Variants in COL18A1 observed in about 807,000 individuals in gnomAD.
COL18A1 encodes collagen alpha-1(XVIII) chain.
In COL18A1, 133 loss-of-function variants were observed where a neutral mutation model predicts 168.0. The observed-to-expected ratio is 0.79, with a 90% CI of 0.69 to 0.91. The LOEUF (loss-of-function observed/expected upper bound fraction) is 0.91, where lower values mean the gene tolerates loss of function less well. Among genes scored for constraint, COL18A1 ranks in the 40% least tolerant of loss-of-function variants. COL18A1 has a pLI of 0.00. For missense variants in COL18A1, 2,126 were observed against 1,925.4 expected (o/e 1.10, Z -1.95); for synonymous variants, 949 against 809.0 (o/e 1.17, Z -2.94).
intron 32 of COL18A1, among the ~76,000 whole-genome samples, chr21:45,499,073 C>T (rs61633029): frequency 0.25 from 37,299 of 152,038 alleles, 4,623 homozygotes; most frequent in Non-Finnish European, 0.26. Flanking sequence ...TCCCCTCATT[C>T]GAAGGATCAA....
chr21:45,466,423 C>G (rs1210971090), intron 2 of COL18A1, among the ~76,000 whole-genome samples: 4 of 152,192 alleles, frequency 2.6e-5, no homozygotes, highest in Non-Finnish European at 4.4e-5. Context: ...GGTGGTCCAG[C>G]AGGAGGGGCC....
At position 45,443,780 on chromosome 21, in the gene COL18A1, C is replaced by T. The variant is rs963486069; in HGVS notation, c.107-24462C>T. Among the ~76,000 whole-genome samples, 6 of 152,194 alleles carry T rather than the reference C, an allele frequency of 3.9e-5. No homozygotes were observed. The highest frequency in any genetic ancestry group is 7.3e-5 in the Non-Finnish European group (5 of 68,030). On this transcript the variant is annotated intron_variant, in intron 2 of 41. Transcript: ENST00000651438. The surrounding 1 kb of genome is among the most constrained non-coding windows in gnomAD (Gnocchi z 5.2). ...CAATGCGGCCCCGTGCCCCTTTACG[C>T]GGCTCTGCTGGTGGAGAGGAATAGC...
chr21:45,459,980 G>T (rs573585298), intron 2 of COL18A1, among the ~76,000 whole-genome samples: 1 of 152,164 alleles, frequency 6.6e-6, no homozygotes, highest in South Asian at 2.1e-4. Flanking sequence ...CCCTGGGACC[G>T]GAGGCAGGTG....
chr21:45,511,311 C>CG, intron 41 of COL18A1, 85 bp downstream of exon 41: 1 of 745,060 alleles, frequency 1.3e-6, no homozygotes, highest in Non-Finnish European at 2.4e-6. Context: ...AGTTTCCCCC[C>CG]GAGTTTTTGG....
intron 2 of COL18A1, among the ~76,000 whole-genome samples, chr21:45,433,121 A>C (rs113103207): frequency 8.5e-5 from 13 of 152,326 alleles, no homozygotes; most frequent in Admixed American, 5.9e-4. Flanking sequence ...TCATTTCGAG[A>C]GGGTCACGGA....
intron 15 of COL18A1, among the ~76,000 whole-genome samples, chr21:45,484,441 C>T (rs910307186): frequency 8.6e-5 from 13 of 151,294 alleles, no homozygotes; most frequent in Admixed American, 4.6e-4. Flanking sequence ...CACACACACA[C>T]CTCTCCAGCA....
intron 9 of COL18A1, among the ~76,000 whole-genome samples, chr21:45,479,637 C>A (rs1410445535): frequency 6.6e-6 from 1 of 152,122 alleles, no homozygotes; most frequent in Admixed American, 6.5e-5. Flanking sequence ...CACCCAAGCA[C>A]CAGCTGTTGT....
chr21:45,478,319 A>C lies in COL18A1; in HGVS notation c.1222-8A>C. 2 of 1,613,814 alleles carry C rather than the reference A, an allele frequency of 1.2e-6. No individual in the cohort carries two copies. Among genetic ancestry groups the C allele is most frequent in the African/African-American group, 2.7e-5 (2 of 74,874 alleles). ...TCCCATCACTAATGGCTTCTCTTGC[A>C]CACCCAGGGCGACCCCGGTGAAGAC... On this transcript the variant is annotated splice_polypyrimidine_tract_variant and splice_region_variant and intron_variant, in intron 8 of 41. Transcript: ENST00000651438.
rs1042525677 is a variant in COL18A1 at position 45,486,895 on chromosome 21, G to A, written c.1736G>A (p.Arg579His). ...SKGAPGPAGA[R>H]GESGLAGAPG... ...GGAGCCCCCGGTCCTGCTGGTGCTC[G>A]TGGGGAGAGCGGCCTGGCAGGAGCC... The change falls in exon 16 of 42, where the codon CGT (arginine) becomes CAT (histidine). Residue 579 changes from arginine to histidine, a missense_variant. By Grantham distance (29) the Arg-to-His change is conservative (BLOSUM62 0). Coordinates refer to ENST00000651438, the MANE Select transcript of COL18A1 (RefSeq NM_001379500.1). The A allele has an allele frequency of 1.3e-5, 20 of 1,525,970 alleles. No homozygotes were observed. Among genetic ancestry groups the A allele is most frequent in the Admixed American group, 1.2e-4 (6 of 49,080 alleles). The allele number at this position is 1,525,970 out of a possible 1,614,324, so 94.5% of individuals were successfully genotyped here.
chr21:45,468,201 G>A (rs376641421), intron 2 of COL18A1, 41 bp from the exon 3 acceptor site: 380 of 1,610,792 alleles, frequency 2.4e-4, no homozygotes, highest in Non-Finnish European at 3.0e-4. Context: ...CCCTGGTTCC[G>A]TCCTGCACAG....
chr21:45,440,478 G>A (rs112005453), intron 2 of COL18A1, among the ~76,000 whole-genome samples: 7,475 of 148,624 alleles, frequency 0.05, 251 homozygotes, highest in African/African-American at 0.12. Flanking sequence ...GCAAGCAGTC[G>A]GGGCCTGCTG....
intron 2 of COL18A1, among the ~76,000 whole-genome samples, chr21:45,438,340 T>TCA (rs797010559): frequency 6.7e-5 from 1 of 14,972 alleles, no homozygotes; most frequent in Admixed American, 7.8e-4. Context: ...ACACACACAC[T>TCA]CACACACTCA....
intron 2 of COL18A1, among the ~76,000 whole-genome samples, chr21:45,437,748 T>A (rs943001584): frequency 4.7e-3 from 46 of 9,798 alleles, no homozygotes; most frequent in Non-Finnish European, 6.0e-3. Flanking sequence ...ACTCACACAC[T>A]CAGACACAGG....
intron 9 of COL18A1, among the ~76,000 whole-genome samples, chr21:45,478,641 A>T (rs1458668840): frequency 6.6e-6 from 1 of 152,134 alleles, no homozygotes; most frequent in African/African-American, 2.4e-5. Context: ...CACAGCAAAG[A>T]AAAAGGAAGT....
rs1299214140 is a variant in COL18A1 at position 45,423,096 on chromosome 21, G to A, written c.106+17623G>A. 1.3e-5 allele frequency among the ~76,000 whole-genome samples: 2 copies of A among 152,118 alleles called. No homozygotes were observed. The highest frequency in any genetic ancestry group is 3.9e-4 in the East Asian group (2 of 5,186). ...CCCAGAGTGTTGGGATTATAGGTGT[G>A]AGCCACCGCACCCGGCCGAAGTGGT... On this transcript the variant is annotated intron_variant, in intron 2 of 41. Transcript: ENST00000651438. The surrounding 1 kb of genome is among the most constrained non-coding windows in gnomAD (Gnocchi z 4.0).
At chr21:45,482,332 C>T (rs1026821880) in intron 14 of COL18A1, 15 of 684,184 alleles carry the variant, frequency 2.2e-5, no homozygotes, top group Non-Finnish European at 3.5e-5. Context: ...GAGCCTCTGT[C>T]GGACTGACGC....
At position 45,473,694 on chromosome 21, in the gene COL18A1, G is replaced by A. The variant is rs372444959; in HGVS notation, c.652-201G>A. Among the ~76,000 whole-genome samples the A allele has an allele frequency of 1.3e-5, 2 of 152,274 alleles. No individual in the cohort carries two copies. The highest frequency in any genetic ancestry group is 4.8e-5 in the African/African-American group (2 of 41,556). On this transcript the variant is annotated intron_variant, in intron 3 of 41. Coordinates refer to ENST00000651438, the MANE Select transcript of COL18A1 (RefSeq NM_001379500.1). The surrounding 1 kb of genome is among the most constrained non-coding windows in gnomAD (Gnocchi z 4.0). ...CCAGCCGGGTGCTTTCCACATGAAA[G>A]CGCCCAGGACGCCCCTGGGTCTCAC...
intron 2 of COL18A1, among the ~76,000 whole-genome samples, chr21:45,417,148 G>A (rs945136858): frequency 2.6e-5 from 4 of 152,204 alleles, no homozygotes; most frequent in Non-Finnish European, 4.4e-5. Flanking sequence ...CTTCCCAAAG[G>A]TGGTGCTGGG....
intron 30 of COL18A1, 75 bp downstream of exon 30, chr21:45,496,643 T>G (rs984102424): frequency 3.6e-5 from 29 of 807,468 alleles, no homozygotes; most frequent in East Asian, 9.7e-5. Flanking sequence ...GGGCTGGGCC[T>G]TCTTCTCCCC....
Sources: gnomAD v4.1 joint callset for allele counts (sites outside exome capture counted in the v4.1 genomes callset) on GRCh38, gnomAD v4.1.1 for gene constraint, Gnocchi (gnomAD v3.1) non-coding constraint, MANE v1.5 for transcripts, NCBI Gene and HGNC (gene_info 2026-07-23, HGNC 2026-07-21) for gene names.